The following GPM6A variants were observed in gnomAD, a reference collection of about 807,000 sequenced individuals.
GPM6A encodes glycoprotein M6A, also known as neuronal membrane glycoprotein M6-a.
A neutral mutation model predicts 32.1 loss-of-function variants in GPM6A; 7 were observed. The ratio of observed to expected loss-of-function variants is 0.22; its 90% CI spans 0.12 to 0.41. GPM6A has a LOEUF of 0.41. Ranked by LOEUF, GPM6A falls within the 10% of genes least tolerant of loss-of-function variation. GPM6A has a pLI of 1.00. For missense variants in GPM6A, 235 were observed against 347.2 expected (o/e 0.68, Z 2.57); for synonymous variants, 130 against 123.4 (o/e 1.05, Z -0.35).
intron 6 of GPM6A, among the ~76,000 whole-genome samples, chr4:175,637,296 AT>A (rs1740742231): frequency 5.1e-5 from 3 of 58,920 alleles, no homozygotes; most frequent in Non-Finnish European, 6.0e-5. Flanking sequence ...TAAAATATAT[AT>A]TATATATTAT....
intron 1 of GPM6A, chr4:175,947,580 A>G (rs906071710): frequency 1.3e-5 from 2 of 152,210 alleles, no homozygotes; most frequent in Non-Finnish European, 2.9e-5. Flanking sequence ...TTTTCAAGTT[A>G]TTCCTGATAA....
chr4:175,875,397 A>G (rs1232127004), intron 1 of GPM6A, among the ~76,000 whole-genome samples: 1 of 152,202 alleles, frequency 6.6e-6, no homozygotes, highest in Non-Finnish European at 1.5e-5. Flanking sequence ...TAACAGACAG[A>G]GTTGGAAGAC....
chr4:175,751,065 A>G (rs553498910), intron 1 of GPM6A, among the ~76,000 whole-genome samples: 3 of 152,202 alleles, frequency 2.0e-5, no homozygotes, highest in Admixed American at 6.5e-5. Flanking sequence ...AGATGATATG[A>G]TCAGCAGAAG....
At chr4:175,975,366 C>T (rs1259388740) in intron 1 of GPM6A, among the ~76,000 whole-genome samples, 1 of 152,184 alleles carries the variant, frequency 6.6e-6, no homozygotes, top group Non-Finnish European at 1.5e-5. Context: ...AATACCAATA[C>T]CTGAGTTGCA....
chr4:175,953,309 G>T (rs1203460641), intron 1 of GPM6A, among the ~76,000 whole-genome samples: 1 of 152,112 alleles, frequency 6.6e-6, no homozygotes, highest in African/African-American at 2.4e-5. Context: ...ATTTTCCACA[G>T]AGAAGTAGTC....
intron 1 of GPM6A, among the ~76,000 whole-genome samples, chr4:175,832,483 T>C (rs990756904): frequency 6.7e-6 from 1 of 148,718 alleles, no homozygotes; most frequent in Non-Finnish European, 1.5e-5. Flanking sequence ...TTATGCATCA[T>C]AAATTGTGGT....
At chr4:175,785,817 G>T (rs962708569) in intron 1 of GPM6A, among the ~76,000 whole-genome samples, 1 of 152,120 alleles carries the variant, frequency 6.6e-6, no homozygotes, top group Non-Finnish European at 1.5e-5. Context: ...TAATTCAACA[G>T]CTAGTTACAG....
intron 1 of GPM6A, among the ~76,000 whole-genome samples, chr4:175,865,815 C>A (rs1169714006): frequency 6.6e-6 from 1 of 151,486 alleles, no homozygotes; most frequent in African/African-American, 2.4e-5. Context: ...TTTGGATTTT[C>A]TTTGATTTTG....
At chr4:175,775,973 T>G (rs2111242566) in intron 1 of GPM6A, among the ~76,000 whole-genome samples, 1 of 152,190 alleles carries the variant, frequency 6.6e-6, no homozygotes, top group Non-Finnish European at 1.5e-5. Context: ...AAAATAAAAA[T>G]TTCAAAAGAC....
At chr4:175,682,834 C>A (rs1414381452) in intron 2 of GPM6A, among the ~76,000 whole-genome samples, 1 of 152,182 alleles carries the variant, frequency 6.6e-6, no homozygotes, top group Admixed American at 6.5e-5. Flanking sequence ...ATGAGAAAGC[C>A]TGGGTGCCCA....
At chr4:175,950,754 A>G (rs1165392134) in intron 1 of GPM6A, among the ~76,000 whole-genome samples, 3 of 152,196 alleles carry the variant, frequency 2.0e-5, no homozygotes, top group African/African-American at 7.2e-5. Flanking sequence ...GTATTTTTAA[A>G]TGACACACAA....
chr4:175,825,033 A>C (rs1003568150), intron 1 of GPM6A, among the ~76,000 whole-genome samples: 3 of 152,234 alleles, frequency 2.0e-5, no homozygotes, highest in Non-Finnish European at 4.4e-5. Context: ...GCTTGTAGCT[A>C]AATGGGTAGG....
chr4:175,927,722 A>C (rs970023491), intron 1 of GPM6A, among the ~76,000 whole-genome samples: 8 of 151,266 alleles, frequency 5.3e-5, no homozygotes, highest in African/African-American at 1.7e-4. Flanking sequence ...CCATCTCTAT[A>C]AAAAATAGAA....
intron 1 of GPM6A, chr4:175,787,474 TG>T (rs1733847462): frequency 6.7e-7 from 1 of 1,497,586 alleles, no homozygotes; most frequent in Non-Finnish European, 8.9e-7. Flanking sequence ...TTTTCTAAAT[TG>T]TTTTTTTAAG....
At position 175,931,388 on chromosome 4, in the gene GPM6A, A is replaced by T. The variant is rs1739032990; in HGVS notation, c.-23+70921T>A. 5.3e-5 allele frequency among the ~76,000 whole-genome samples: 8 copies of T among 152,160 alleles called. No individual in the cohort carries two copies. In the South Asian group the frequency reaches 1.7e-3, roughly 31 times the overall value. The stretch of plus-strand genomic sequence containing the variant: ...CACTTTTTGACACTTTTTGCCTTGC[A>T]GTGTAGAAGTTTGGCCAGTGAGCAA... On this transcript the variant is annotated intron_variant, in intron 1 of 7. Coordinates refer to the GPM6A transcript ENST00000280187.
intron 1 of GPM6A, among the ~76,000 whole-genome samples, chr4:175,911,790 C>T (rs888065343): frequency 2.0e-4 from 30 of 152,084 alleles, no homozygotes; most frequent in African/African-American, 4.6e-4. Flanking sequence ...AGAGACCAAA[C>T]ATCTGAAGGT....
chr4:175,942,912 G>A (rs1416671157), intron 1 of GPM6A, among the ~76,000 whole-genome samples: 2 of 151,846 alleles, frequency 1.3e-5, no homozygotes, highest in Non-Finnish European at 2.9e-5. Flanking sequence ...TTCTAATTCT[G>A]TGAAGAAAGT....
chr4:175,828,807 A>G (rs1000693322), intron 1 of GPM6A, among the ~76,000 whole-genome samples: 3 of 152,140 alleles, frequency 2.0e-5, no homozygotes, highest in Non-Finnish European at 2.9e-5. Context: ...AATTTTAATT[A>G]CAATAAACTT....
chr4:175,771,783 G>A (rs1456628513), intron 1 of GPM6A, among the ~76,000 whole-genome samples: 1 of 152,130 alleles, frequency 6.6e-6, no homozygotes, highest in Non-Finnish European at 1.5e-5. Context: ...CAAATGATGT[G>A]CAATGGGTGG....
Sources: gnomAD v4.1 joint callset for allele counts (sites outside exome capture counted in the v4.1 genomes callset) on GRCh38, gnomAD v4.1.1 for gene constraint, MANE v1.5 for transcripts, NCBI Gene and HGNC (gene_info 2026-07-23, HGNC 2026-07-21) for gene names.